Variants in RAP1GAP2 observed in about 807,000 individuals in gnomAD.
RAP1GAP2 encodes rap1 GTPase-activating protein 2.
Under a neutral mutation model 95.0 loss-of-function variants are expected in RAP1GAP2, and 27 were observed. The observed-to-expected ratio is 0.28, with a 90% CI of 0.21 to 0.39. RAP1GAP2 has a LOEUF of 0.39. Among genes scored for constraint, RAP1GAP2 ranks in the 10% least tolerant of loss-of-function variants. The probability of loss-of-function intolerance (pLI) is 1.00; values close to 1 mark genes in which losing one functional copy is unlikely to be tolerated. For synonymous variants in RAP1GAP2, 373 were observed against 380.9 expected, an observed-to-expected ratio of 0.98 and a Z score of 0.24; for missense variants, 771 against 970.0, an observed-to-expected ratio of 0.79 and a Z score of 2.72.
chr17:3,009,619 C>T (rs1385439242), intron 17 of RAP1GAP2, among the ~76,000 whole-genome samples: 1 of 152,136 alleles, frequency 6.6e-6, no homozygotes, highest in Non-Finnish European at 1.5e-5. Context: ...CCGGCTGGAC[C>T]GCAGAGAGCA....
chr17:2,941,883 G>A (rs1033755645), intron 3 of RAP1GAP2, among the ~76,000 whole-genome samples: 2 of 152,130 alleles, frequency 1.3e-5, no homozygotes, highest in East Asian at 3.9e-4. Flanking sequence ...GGGTTTTACC[G>A]TGTTGGTCAG....
intron 2 of RAP1GAP2, among the ~76,000 whole-genome samples, chr17:2,808,896 G>A (rs571413135): frequency 1.3e-5 from 2 of 152,312 alleles, no homozygotes; most frequent in East Asian, 1.9e-4. Context: ...GTGCCTATGT[G>A]GTGCCTTTTT....
At chr17:2,937,192 A>G (rs2043332083) in intron 3 of RAP1GAP2, among the ~76,000 whole-genome samples, 1 of 152,064 alleles carries the variant, frequency 6.6e-6, no homozygotes, top group Non-Finnish European at 1.5e-5. Context: ...GTGGAGTGGG[A>G]AGGAGGAGAG....
chr17:2,926,301 T>A (rs2042954412), intron 3 of RAP1GAP2, among the ~76,000 whole-genome samples: 1 of 152,170 alleles, frequency 6.6e-6, no homozygotes, highest in Non-Finnish European at 1.5e-5. Flanking sequence ...GCCCACGTCC[T>A]CTTCACACGG....
intron 1 of RAP1GAP2, among the ~76,000 whole-genome samples, chr17:2,767,428 T>C (rs913549661): frequency 6.7e-6 from 1 of 149,482 alleles, no homozygotes; most frequent in Non-Finnish European, 1.5e-5. Flanking sequence ...AGAAGATACG[T>C]TGTGAAAAGG....
intron 17 of RAP1GAP2, among the ~76,000 whole-genome samples, chr17:3,015,960 C>A (rs957723665): frequency 1.3e-5 from 2 of 152,126 alleles, no homozygotes; most frequent in African/African-American, 4.8e-5. Context: ...GGGAGCGGGG[C>A]CCACACCTTA....
chr17:2,821,674 A>G (rs1168860119), intron 2 of RAP1GAP2, among the ~76,000 whole-genome samples: 1 of 152,074 alleles, frequency 6.6e-6, no homozygotes, highest in East Asian at 1.9e-4. Flanking sequence ...TTGCCCCGCC[A>G]AGTGTGGTGT....
chr17:2,988,204 A>G (rs1208093787), intron 11 of RAP1GAP2, among the ~76,000 whole-genome samples: 2 of 125,460 alleles, frequency 1.6e-5, no homozygotes, highest in African/African-American at 7.3e-5. Context: ...GCGAAACTCC[A>G]TCTCAAAAAA....
chr17:2,960,078 T>A (rs1174481319), intron 4 of RAP1GAP2, among the ~76,000 whole-genome samples: 4 of 139,556 alleles, frequency 2.9e-5, no homozygotes, highest in Admixed American at 1.5e-4. Flanking sequence ...TGAGCCGAGA[T>A]TGCGCCACTG....
rs775302027 is a variant in RAP1GAP2 at position 2,886,462 on chromosome 17, C to T, written c.81-18822C>T. Among the ~76,000 whole-genome samples the T allele has an allele frequency of 6.3e-4, 96 of 152,028 alleles. 1 individual carries two copies. The highest frequency in any genetic ancestry group is 1.5e-3 in the Admixed American group (23 of 15,256). On this transcript the variant is annotated intron_variant, in intron 2 of 24. Transcript: ENST00000254695. ...TACTGGGATTACAGGTGTGAGCCAC[C>T]GTGCCCGGCCATATGTATTTATATT...
chr17:2,847,685 TGGA>T (rs111800101), intron 2 of RAP1GAP2, among the ~76,000 whole-genome samples: 118,761 of 151,512 alleles, frequency 0.78, 47,148 homozygotes, highest in African/African-American at 0.92. Context: ...TCAGAAACTC[TGGA>T]AGAGGTGGAA....
chr17:2,911,928 T>G (rs1459759549), intron 3 of RAP1GAP2, among the ~76,000 whole-genome samples: 1 of 152,196 alleles, frequency 6.6e-6, no homozygotes, highest in African/African-American at 2.4e-5. Flanking sequence ...CTGAGCTGGC[T>G]CGGTCAGCTG....
At chr17:2,912,632 A>G (rs1197684429) in intron 3 of RAP1GAP2, among the ~76,000 whole-genome samples, 3 of 151,954 alleles carry the variant, frequency 2.0e-5, no homozygotes, top group Non-Finnish European at 4.4e-5. Context: ...CTCCATCCCT[A>G]CTGCTGGAGG....
chr17:2,962,535 T>G, intron 4 of RAP1GAP2, 135 bp from the exon 5 acceptor site: 2 of 884,086 alleles, frequency 2.3e-6, no homozygotes, highest in Non-Finnish European at 3.4e-6. Context: ...CCAGGTGTGA[T>G]GTGTGCAGGC....
At chr17:2,781,560 GTC>G (rs200855789) in intron 1 of RAP1GAP2, among the ~76,000 whole-genome samples, 2 of 130,002 alleles carry the variant, frequency 1.5e-5, no homozygotes, top group South Asian at 2.6e-4. Context: ...GTGTGTGCAC[GTC>G]TCTGTGTGTG....
At chr17:2,895,998 C>T (rs2041810780) in intron 2 of RAP1GAP2, among the ~76,000 whole-genome samples, 1 of 151,870 alleles carries the variant, frequency 6.6e-6, no homozygotes, top group Non-Finnish European at 1.5e-5. Flanking sequence ...GCTTCTGTGC[C>T]CTCCCCTTCC....
intron 17 of RAP1GAP2, among the ~76,000 whole-genome samples, chr17:3,013,637 T>TTTC (rs2046649490): frequency 7.3e-6 from 1 of 136,658 alleles, no homozygotes; most frequent in African/African-American, 2.8e-5. Context: ...CTTTTCTTTT[T>TTTC]TTTTTTTTTT....
intron 2 of RAP1GAP2, among the ~76,000 whole-genome samples, chr17:2,848,089 C>T (rs942519590): frequency 2.0e-5 from 3 of 152,178 alleles, no homozygotes; most frequent in Non-Finnish European, 4.4e-5. Context: ...AGGAAGTCGG[C>T]AGGGTTCTGA....
chr17:2,935,770 C>A (rs541142109), intron 3 of RAP1GAP2, among the ~76,000 whole-genome samples: 1 of 152,090 alleles, frequency 6.6e-6, no homozygotes. Context: ...AAGTGAGGCG[C>A]GAGGCCTCAC....
Sources: allele counts gnomAD v4.1 joint callset (sites outside exome capture counted in the v4.1 genomes callset), GRCh38; gene constraint gnomAD v4.1.1; transcripts MANE v1.5; gene names NCBI Gene and HGNC (gene_info 2026-07-23, HGNC 2026-07-21).